JAM3: variants seen among roughly 807,000 people sequenced by gnomAD.
The protein encoded by JAM3 is junctional adhesion molecule 3.
Under a neutral mutation model 39.4 loss-of-function variants are expected in JAM3, and 31 were observed. The observed-to-expected ratio is 0.79, with a 90% confidence interval of 0.59 to 1.06. The LOEUF (loss-of-function observed/expected upper bound fraction) is 1.06. Among genes scored for constraint, JAM3 ranks in the 50% least tolerant of loss-of-function variants. JAM3 has a pLI of 0.00. For missense variants in JAM3, 455 were observed against 391.4 expected (o/e 1.16, Z -1.37); for synonymous variants, 182 against 148.7 (o/e 1.22, Z -1.63).
At chr11:134,096,495 G>A (rs1332751735) in intron 1 of JAM3, among the ~76,000 whole-genome samples, 2 of 152,148 alleles carry the variant, frequency 1.3e-5, no homozygotes, top group African/African-American at 4.8e-5. Flanking sequence ...GTACATAGTA[G>A]TGTTTTATTA....
chr11:134,076,766 G>A (rs1003389384), intron 1 of JAM3, among the ~76,000 whole-genome samples: 5 of 150,476 alleles, frequency 3.3e-5, no homozygotes, highest in Admixed American at 1.3e-4. Flanking sequence ...TGAACTCCTG[G>A]TCTCAGGTGG....
At position 134,139,871 on chromosome 11, in the gene JAM3, A is replaced by G. The variant is rs1463065768; in HGVS notation, c.97A>G (p.Asn33Asp). The part of the protein sequence containing the change: ...LFRGCLIGAV[N>D]LKSSNRTPVV... ...TTCAGGCTGCCTGATAGGGGCTGTAAATCTCAAATCCAGCAATCGAACCCC... is the reference window on the plus strand; with the variant it reads ...TTCAGGCTGCCTGATAGGGGCTGTAGATCTCAAATCCAGCAATCGAACCCC... Residue 33 changes from asparagine to aspartate, a missense_variant, in exon 2 of 9, where the codon AAT becomes GAT. Asn to Asp is a conservative substitution (Grantham distance 23). Coordinates refer to ENST00000299106, the MANE Select transcript of JAM3 (RefSeq NM_032801.5). The G allele has an allele frequency of 6.2e-7, 1 of 1,614,010 alleles. No homozygotes were observed. Among genetic ancestry groups the G allele is most frequent in the African/African-American group, 1.3e-5 (1 of 75,040 alleles).
chr11:134,144,213 T>G, intron 3 of JAM3, 28 bp from the exon 4 acceptor site: 1 of 1,613,902 alleles, frequency 6.2e-7, no homozygotes, highest in South Asian at 1.1e-5. Context: ...TTAAAGAAGT[T>G]TTTTAGTGCC....
chr11:134,082,922 CAA>C (rs1418407271), intron 1 of JAM3, among the ~76,000 whole-genome samples: 1 of 152,164 alleles, frequency 6.6e-6, no homozygotes, highest in Non-Finnish European at 1.5e-5. Context: ...ATGTAAACTT[CAA>C]GAGTGGTATG....
chr11:134,097,077 A>T (rs1211012104), intron 1 of JAM3, among the ~76,000 whole-genome samples: 2 of 152,072 alleles, frequency 1.3e-5, no homozygotes, highest in African/African-American at 2.4e-5. Context: ...CCTTTGTCAT[A>T]TATAATACAG....
chr11:134,144,726 TCTG>T (rs1325874240), intron 4 of JAM3, 63 bp from the exon 5 acceptor site: 2 of 1,407,248 alleles, frequency 1.4e-6, no homozygotes, highest in South Asian at 1.2e-5. Context: ...GCTGATTTCT[TCTG>T]GGCTTTAATA....
chr11:134,094,136 G>A (rs76207342), intron 1 of JAM3, among the ~76,000 whole-genome samples: 29,380 of 112,484 alleles, frequency 0.26, 906 homozygotes, highest in African/African-American at 0.39. Context: ...TATTCATCAT[G>A]TTCCACCTTA....
At position 134,134,398 on chromosome 11, in the gene JAM3, C is replaced by CAAA. The variant is rs34729848; in HGVS notation, c.77-5431_77-5429dup. On this transcript the variant is annotated intron_variant, in intron 1 of 8. Coordinates refer to ENST00000299106, the MANE Select transcript of JAM3 (RefSeq NM_032801.5). ...AGAAAACACCAAACAGGATAAATGC[C>CAAA]AAAAAAAAAAAAAAAAAAAAAAAAC... Among the ~76,000 whole-genome samples, 138 of 31,862 alleles carry CAAA rather than the reference C, an allele frequency of 4.3e-3. 2 individuals carry two copies. The highest frequency in any genetic ancestry group is 6.2e-3 in the Admixed American group (13 of 2,104). 20.9% of individuals were successfully genotyped at this position (31,862 alleles called of 152,430 possible). A position where few individuals can be genotyped will look rare whatever the true frequency, so the allele number is the denominator to read the frequency against.
At chr11:134,073,993 G>A (rs1941524144) in intron 1 of JAM3, among the ~76,000 whole-genome samples, 1 of 152,086 alleles carries the variant, frequency 6.6e-6, no homozygotes, top group South Asian at 2.1e-4. Flanking sequence ...TTATTGACTT[G>A]GTTTAATTTC....
At chr11:134,147,326 C>T (rs959974766) in intron 6 of JAM3, among the ~76,000 whole-genome samples, 6 of 150,930 alleles carry the variant, frequency 4.0e-5, no homozygotes, top group Non-Finnish European at 8.9e-5. Flanking sequence ...TGGTGGCAGG[C>T]GCCTGTAGTC....
intron 1 of JAM3, among the ~76,000 whole-genome samples, chr11:134,087,601 A>T (rs930058250): frequency 6.6e-6 from 1 of 152,208 alleles, no homozygotes; most frequent in Non-Finnish European, 1.5e-5. Context: ...TTACGTATAC[A>T]GGTTGTTGGT....
At chr11:134,126,111 G>C (rs1410399537) in intron 1 of JAM3, among the ~76,000 whole-genome samples, 2 of 152,030 alleles carry the variant, frequency 1.3e-5, no homozygotes, top group Admixed American at 6.6e-5. Context: ...TCCCTTCCCT[G>C]TCCCACCCTT....
chr11:134,109,021 ATC>A (rs763370529), intron 1 of JAM3, among the ~76,000 whole-genome samples: 1 of 152,072 alleles, frequency 6.6e-6, no homozygotes, highest in Non-Finnish European at 1.5e-5. Context: ...CAGTGGCACA[ATC>A]TCAGCTCACT....
chr11:134,111,268 C>T (rs1373863729), intron 1 of JAM3, among the ~76,000 whole-genome samples: 2 of 151,474 alleles, frequency 1.3e-5, no homozygotes, highest in East Asian at 2.0e-4. Flanking sequence ...CTCAGCCTCC[C>T]AAGTAGCTGG....
chr11:134,083,526 T>C (rs777083175), intron 1 of JAM3, among the ~76,000 whole-genome samples: 11 of 152,204 alleles, frequency 7.2e-5, no homozygotes, highest in Non-Finnish European at 1.3e-4. Flanking sequence ...TTTGTTTTGC[T>C]CTCTCCTGAA....
chr11:134,141,261 G>T (rs1480550179), intron 3 of JAM3, among the ~76,000 whole-genome samples: 1 of 152,144 alleles, frequency 6.6e-6, no homozygotes, highest in Non-Finnish European at 1.5e-5. Flanking sequence ...GGTGGTCAGG[G>T]AAGGCTCCCC....
At chr11:134,103,893 T>A (rs1942128002) in intron 1 of JAM3, among the ~76,000 whole-genome samples, 1 of 152,240 alleles carries the variant, frequency 6.6e-6, no homozygotes, top group Non-Finnish European at 1.5e-5. Flanking sequence ...AGACTTAGAC[T>A]CCCACACAAT....
At chr11:134,140,802 C>A (rs774297742) in intron 3 of JAM3, 32 bp downstream of exon 3, 1 of 1,590,308 alleles carries the variant, frequency 6.3e-7, no homozygotes, top group Admixed American at 1.8e-5. Flanking sequence ...GCCTGCTGAC[C>A]TTTCCTCTGT....
At chr11:134,117,838 G>A (rs1470969078) in intron 1 of JAM3, among the ~76,000 whole-genome samples, 3 of 152,298 alleles carry the variant, frequency 2.0e-5, no homozygotes, top group African/African-American at 7.2e-5. Context: ...CTCCTGCACT[G>A]TCTTCAAGAT....
Sources: allele counts gnomAD v4.1 joint callset (sites outside exome capture counted in the v4.1 genomes callset), GRCh38; gene constraint gnomAD v4.1.1; transcripts MANE v1.5; gene names NCBI Gene and HGNC (gene_info 2026-07-23, HGNC 2026-07-21).